Variants in SH3D19 observed in about 807,000 individuals in gnomAD.
SH3D19 encodes SH3 domain containing 19, also known as SH3 domain-containing protein 19.
SH3D19 carries 58 observed loss-of-function variants against 112.1 expected under a neutral mutation model. The observed-to-expected ratio is 0.52, with a 90% CI of 0.42 to 0.64. The LOEUF (loss-of-function observed/expected upper bound fraction) is 0.64. Ranked by LOEUF, SH3D19 falls within the 30% of genes least tolerant of loss-of-function variation. SH3D19 has a pLI of 0.00. For synonymous variants in SH3D19, 391 were observed against 448.5 expected (o/e 0.87, Z 1.62); for missense variants, 1,090 against 1,263.4 (o/e 0.86, Z 2.08).
chr4:151,307,998 C>T (rs1024056583), intron 1 of SH3D19, among the ~76,000 whole-genome samples: 6 of 152,158 alleles, frequency 3.9e-5, no homozygotes, highest in Non-Finnish European at 7.3e-5. Context: ...CTCCACCTCC[C>T]GGGTTCAAGT....
intron 9 of SH3D19, among the ~76,000 whole-genome samples, chr4:151,154,345 G>A (rs1275539096): frequency 1.3e-5 from 2 of 150,654 alleles, no homozygotes; most frequent in East Asian, 3.9e-4. Context: ...TGTTGGTCAG[G>A]CTGGTCTTGA....
At chr4:151,231,321 C>T (rs1053516825) in intron 1 of SH3D19, among the ~76,000 whole-genome samples, 5 of 151,968 alleles carry the variant, frequency 3.3e-5, no homozygotes, top group African/African-American at 1.2e-4. Context: ...TAAATGGTTC[C>T]TATATTTAGA....
chr4:151,239,900 C>A (rs1163818879), intron 1 of SH3D19, among the ~76,000 whole-genome samples: 1 of 152,010 alleles, frequency 6.6e-6, no homozygotes, highest in East Asian at 1.9e-4. Flanking sequence ...AAATAAGGTA[C>A]CCTGAGACTT....
intron 2 of SH3D19, among the ~76,000 whole-genome samples, chr4:151,201,936 C>T (rs1223230735): frequency 2.7e-5 from 4 of 150,934 alleles, no homozygotes; most frequent in South Asian, 2.1e-4. Flanking sequence ...TGCTTGAACT[C>T]GGGAGGCAGA....
chr4:151,147,852 G>T (rs1423657650), intron 11 of SH3D19, 70 bp downstream of exon 11: 4 of 1,486,640 alleles, frequency 2.7e-6, no homozygotes, highest in Non-Finnish European at 3.6e-6. Context: ...TTTTTCTAAG[G>T]AATGATGAAT....
chr4:151,324,004 C>T (rs757157387), intron 1 of SH3D19, among the ~76,000 whole-genome samples: 2 of 152,112 alleles, frequency 1.3e-5, no homozygotes, highest in Admixed American at 6.5e-5. Context: ...TCACTTATAT[C>T]CAGCAACTAT....
intron 1 of SH3D19, among the ~76,000 whole-genome samples, chr4:151,318,691 C>A (rs1356624607): frequency 6.6e-6 from 1 of 152,112 alleles, no homozygotes; most frequent in Non-Finnish European, 1.5e-5. Flanking sequence ...ACATTATATA[C>A]ATTAACTCAT....
At chr4:151,289,750 A>G (rs1291489536) in intron 1 of SH3D19, among the ~76,000 whole-genome samples, 1 of 152,202 alleles carries the variant, frequency 6.6e-6, no homozygotes, top group Admixed American at 6.5e-5. Flanking sequence ...ACTCCTAGGT[A>G]TATGACCAAG....
chr4:151,291,173 G>C (rs758386774), intron 1 of SH3D19: 1 of 1,613,804 alleles, frequency 6.2e-7, no homozygotes, highest in African/African-American at 1.3e-5. Flanking sequence ...ATCCAGACAG[G>C]AGTAGTAAGC....
intron 1 of SH3D19, among the ~76,000 whole-genome samples, chr4:151,233,319 C>G (rs1168961303): frequency 6.6e-6 from 1 of 152,164 alleles, no homozygotes; most frequent in Admixed American, 6.5e-5. Flanking sequence ...AACCAGCCCT[C>G]TGCACCTGGT....
intron 1 of SH3D19, among the ~76,000 whole-genome samples, chr4:151,302,423 T>G (rs1358397322): frequency 1.3e-5 from 2 of 152,234 alleles, no homozygotes; most frequent in Admixed American, 1.3e-4. Flanking sequence ...ATTTTTCTGG[T>G]GATTTGCTAA....
At chr4:151,172,179 T>TC (rs1370530624) in intron 7 of SH3D19, among the ~76,000 whole-genome samples, 1 of 152,200 alleles carries the variant, frequency 6.6e-6, no homozygotes, top group Non-Finnish European at 1.5e-5. Context: ...AGGCAAGGTT[T>TC]CCCAGGACCA....
At chr4:151,235,955 T>C (rs1770000570) in intron 1 of SH3D19, among the ~76,000 whole-genome samples, 1 of 152,182 alleles carries the variant, frequency 6.6e-6, no homozygotes, top group African/African-American at 2.4e-5. Flanking sequence ...GCCTGACCCA[T>C]AGCTACCACT....
chr4:151,288,307 T>A (rs1015354645), intron 1 of SH3D19, among the ~76,000 whole-genome samples: 1 of 152,072 alleles, frequency 6.6e-6, no homozygotes, highest in African/African-American at 2.4e-5. Flanking sequence ...TAAAAAGACA[T>A]CCAGATTGCA....
chr4:151,286,184 G>GAA (rs56850648), intron 1 of SH3D19, among the ~76,000 whole-genome samples: 5,767 of 86,414 alleles, frequency 0.067, 393 homozygotes, highest in African/African-American at 0.1. Flanking sequence ...CTGTCTTAAA[G>GAA]AAAAAAAAAA....
chr4:151,214,655 C>G (rs1766684765), intron 2 of SH3D19, among the ~76,000 whole-genome samples: 1 of 108,636 alleles, frequency 9.2e-6, no homozygotes, highest in South Asian at 3.2e-4. Context: ...CCACCTCCCT[C>G]CCGGAAGGGG....
intron 9 of SH3D19, 89 bp downstream of exon 9, chr4:151,159,151 G>A: frequency 1.4e-6 from 1 of 693,378 alleles, no homozygotes; most frequent in Non-Finnish European, 2.3e-6. Flanking sequence ...AATCTGACCA[G>A]TAATAAAATA....
In SH3D19 at chr4:151,175,438, C is replaced by T. The variant is rs1759793753; in HGVS notation, c.766G>A (p.Val256Ile). The change falls in exon 7 of 20, where the codon GTA becomes ATA. Residue 256 changes from valine (V) to isoleucine (I), a missense_variant. By Grantham distance (29) the Val-to-Ile change is conservative. Transcript: ENST00000604030. ...CGGCCTGGGGATGACTCCTCTCCTA[C>T]GGCTGCTGGGCTGATTTTCTGTTGA... ...QSQQKISPAA[V>I]GEESSPGRPQ... 4.6e-6 allele frequency: 7 copies of T among 1,520,396 alleles called. No homozygotes were observed. Among genetic ancestry groups the T allele is most frequent in the African/African-American group, 1.4e-5 (1 of 71,760 alleles). The allele number at this position is 1,520,396 out of a possible 1,614,324, so 94.2% of individuals were successfully genotyped here.
At position 151,175,369 on chromosome 4, in the gene SH3D19, C is replaced by A; in HGVS notation, c.835G>T (p.Ala279Ser). The change falls in exon 7 of 20, where the codon GCA (alanine) becomes TCA (serine). Residue 279 changes from alanine (A) to serine (S), a missense_variant. By Grantham distance (99) the Ala-to-Ser change is moderately conservative. Coordinates refer to ENST00000604030, the MANE Select transcript of SH3D19 (RefSeq NM_001378122.1). ...LDNASTSDSQ[A>S]VMNIMNTEQS... ...TCTGTGTTCATAATGTTCATCACTG[C>A]CTGACTGTCTGAGGTGCTAGCGTTG... 1 of 1,599,282 alleles carries A rather than the reference C, an allele frequency of 6.3e-7. No individual in the cohort carries two copies. Among genetic ancestry groups the A allele is most frequent in the Non-Finnish European group, 8.5e-7 (1 of 1,172,658 alleles).
Sources: allele counts gnomAD v4.1 joint callset (sites outside exome capture counted in the v4.1 genomes callset), GRCh38; gene constraint gnomAD v4.1.1; transcripts MANE v1.5; gene names NCBI Gene and HGNC (gene_info 2026-07-23, HGNC 2026-07-21).